NECAB1: variants seen among roughly 807,000 people sequenced by gnomAD.
NECAB1 encodes N-terminal EF-hand calcium binding protein 1.
In NECAB1, 29 loss-of-function variants were observed where a neutral mutation model predicts 57.5. That is an observed-to-expected ratio of 0.50 (90% CI 0.38 to 0.69). NECAB1 has a LOEUF of 0.69. Ranked by LOEUF, NECAB1 falls within the 30% of genes least tolerant of loss-of-function variation. The pLI is 0.00. For synonymous variants in NECAB1, 142 were observed against 147.7 expected (o/e 0.96, Z 0.28); for missense variants, 372 against 413.8 (o/e 0.90, Z 0.88).
intron 3 of NECAB1, among the ~76,000 whole-genome samples, chr8:90,858,692 C>T (rs566015764): frequency 1.9e-4 from 29 of 151,054 alleles, no homozygotes; most frequent in African/African-American, 2.7e-4. Context: ...CTCTAGATTC[C>T]GAAGAATATT....
intron 5 of NECAB1, among the ~76,000 whole-genome samples, chr8:90,882,722 G>A (rs1808869312): frequency 6.6e-6 from 1 of 152,158 alleles, no homozygotes; most frequent in Non-Finnish European, 1.5e-5. Flanking sequence ...TAATCAGTGA[G>A]TAACTGTGCA....
At chr8:90,932,054 A>C (rs1810423551) in intron 8 of NECAB1, among the ~76,000 whole-genome samples, 1 of 152,134 alleles carries the variant, frequency 6.6e-6, no homozygotes, top group Non-Finnish European at 1.5e-5. Flanking sequence ...GGACATTCTC[A>C]TTTGAAAGGA....
At chr8:90,928,399 T>A in intron 8 of NECAB1, 100 bp downstream of exon 8, 1 of 803,796 alleles carries the variant, frequency 1.2e-6, no homozygotes, top group South Asian at 2.3e-5. Flanking sequence ...ATAGATAGAA[T>A]AACAGCCAGG....
chr8:90,821,391 T>A (rs116416801), intron 2 of NECAB1, among the ~76,000 whole-genome samples: 1 of 151,862 alleles, frequency 6.6e-6, no homozygotes, highest in African/African-American at 2.4e-5. Flanking sequence ...AATCTCTTTA[T>A]CACAATTTTG....
intron 1 of NECAB1, among the ~76,000 whole-genome samples, chr8:90,800,083 C>T (rs1811736182): frequency 6.6e-6 from 1 of 152,116 alleles, no homozygotes; most frequent in African/African-American, 2.4e-5. Context: ...AATGGGATTG[C>T]ATTCTTGATT....
At chr8:90,923,890 G>T (rs1810193805) in intron 6 of NECAB1, among the ~76,000 whole-genome samples, 2 of 152,146 alleles carry the variant, frequency 1.3e-5, no homozygotes, top group African/African-American at 4.8e-5. Flanking sequence ...AGTCCAAGAG[G>T]TCTACTGTTT....
intron 5 of NECAB1, among the ~76,000 whole-genome samples, chr8:90,889,617 C>T (rs1232835324): frequency 6.6e-6 from 1 of 152,182 alleles, no homozygotes; most frequent in Admixed American, 6.5e-5. Flanking sequence ...TGCTTTTGAG[C>T]TCACTTACAT....
At chr8:90,899,233 G>C (rs563580758) in intron 5 of NECAB1, among the ~76,000 whole-genome samples, 2 of 152,240 alleles carry the variant, frequency 1.3e-5, no homozygotes, top group South Asian at 4.2e-4. Context: ...GATCCCCAAG[G>C]TGTGGCAGCT....
intron 5 of NECAB1, among the ~76,000 whole-genome samples, chr8:90,915,195 T>G (rs2740796): frequency 6.6e-6 from 1 of 151,982 alleles, no homozygotes; most frequent in Non-Finnish European, 1.5e-5. Context: ...TGCAATTATA[T>G]TTTATCTTCA....
At position 90,803,620 on chromosome 8, in the gene NECAB1, A is replaced by G. The variant is rs150326119; in HGVS notation, c.124+1905A>G. ...ACTTGCATTGGCAGACCCGTCTCAT[A>G]TTTCCTCACCTGCCCCCACTCTGCC... On this transcript the variant is annotated intron_variant, in intron 2 of 12. Transcript: ENST00000417640. 2.3e-3 allele frequency among the ~76,000 whole-genome samples: 346 copies of G among 152,152 alleles called. 2 individuals are homozygous for G. The highest frequency in any genetic ancestry group is 7.7e-3 in the African/African-American group (318 of 41,510).
chr8:90,844,036 G>A (rs1322441054), intron 3 of NECAB1, among the ~76,000 whole-genome samples: 3 of 152,070 alleles, frequency 2.0e-5, no homozygotes, highest in Non-Finnish European at 4.4e-5. Context: ...GGGTAGAAAA[G>A]GAAAATGGAA....
chr8:90,920,033 A>G (rs964270624), intron 6 of NECAB1, among the ~76,000 whole-genome samples: 1 of 152,228 alleles, frequency 6.6e-6, no homozygotes, highest in Non-Finnish European at 1.5e-5. Flanking sequence ...GTGCTTAATG[A>G]GAAGGAGCAT....
chr8:90,818,236 T>C (rs1389561874), intron 2 of NECAB1, among the ~76,000 whole-genome samples: 2 of 152,060 alleles, frequency 1.3e-5, no homozygotes, highest in African/African-American at 4.8e-5. Flanking sequence ...TTTTCAATCA[T>C]ATTTTAGTTC....
chr8:90,802,690 C>A (rs1586030439), intron 2 of NECAB1, among the ~76,000 whole-genome samples: 2 of 152,094 alleles, frequency 1.3e-5, no homozygotes, highest in African/African-American at 4.8e-5. Context: ...ACAAGACACA[C>A]CTTTCTACAC....
At chr8:90,926,482 C>T (rs1222054019) in intron 7 of NECAB1, among the ~76,000 whole-genome samples, 1 of 152,128 alleles carries the variant, frequency 6.6e-6, no homozygotes, top group Non-Finnish European at 1.5e-5. Context: ...GTGATTTGTC[C>T]AAGGTCATAT....
At chr8:90,936,311 AAAG>A (rs1194780616) in intron 9 of NECAB1, among the ~76,000 whole-genome samples, 1 of 152,146 alleles carries the variant, frequency 6.6e-6, no homozygotes, top group Non-Finnish European at 1.5e-5. Context: ...GACAGAAAGC[AAAG>A]AATAAATTTG....
intron 1 of NECAB1, among the ~76,000 whole-genome samples, chr8:90,798,947 A>T (rs1459836702): frequency 1.3e-5 from 2 of 152,148 alleles, no homozygotes; most frequent in African/African-American, 4.8e-5. Flanking sequence ...TCTCTGCAGC[A>T]GCTCCAGAAT....
chr8:90,841,520 A>G lies in NECAB1; in HGVS notation c.233+16695A>G, dbSNP rs181169417. On this transcript the variant is annotated intron_variant, in intron 3 of 12. Transcript: ENST00000417640. Reference sequence around the variant, plus strand: ...TCGAGATGCATGAGGGTCAAAAGCAACTTCACATTTTTAATAATAGGAGAA... The same window carrying G: ...TCGAGATGCATGAGGGTCAAAAGCAGCTTCACATTTTTAATAATAGGAGAA... Among the ~76,000 whole-genome samples the G allele has an allele frequency of 1.7e-3, 254 of 152,302 alleles. 3 individuals carry two copies. Among genetic ancestry groups the G allele is most frequent in the Admixed American group, 0.016 (251 of 15,306 alleles).
intron 2 of NECAB1, among the ~76,000 whole-genome samples, chr8:90,807,190 A>G (rs1445786568): frequency 1.3e-5 from 2 of 152,218 alleles, no homozygotes; most frequent in Non-Finnish European, 2.9e-5. Context: ...AATGACTAAT[A>G]CACCTCCAGA....
Sources: gnomAD v4.1 joint callset for allele counts (sites outside exome capture counted in the v4.1 genomes callset) on GRCh38, gnomAD v4.1.1 for gene constraint, MANE v1.5 for transcripts, NCBI Gene and HGNC (gene_info 2026-07-23, HGNC 2026-07-21) for gene names.